HELZ: variants seen among roughly 807,000 people sequenced by gnomAD.
The protein encoded by HELZ is helicase with zinc finger, also known as ATP-dependent RNA helicase with zinc finger domain.
A neutral mutation model predicts 218.2 loss-of-function variants in HELZ; 23 were observed. That is an observed-to-expected ratio of 0.11 (90% CI 0.08 to 0.15). The LOEUF (loss-of-function observed/expected upper bound fraction) is 0.15, where lower values mean the gene tolerates loss of function less well. HELZ is among the 10% of genes least tolerant of loss of function. The pLI is 1.00. For synonymous variants in HELZ, 814 were observed against 829.4 expected (o/e 0.98, Z 0.32); for missense variants, 1,813 against 2,353.7 (o/e 0.77, Z 4.75).
Position 67,078,680 on chromosome 17 carries a change from C to T in HELZ, c.5495-94G>A, listed in dbSNP as rs758492665. 726 of 872,916 alleles carry T rather than the reference C, an allele frequency of 8.3e-4. 1 individual carries two copies. The highest frequency in any genetic ancestry group is 1.1e-3 in the Non-Finnish European group (667 of 610,164). 54.1% of individuals were successfully genotyped at this position (872,916 alleles called of 1,614,324 possible). Reference sequence around the variant, plus strand: ...AGTGTGTCAGAACTGGCTCTCATCTCCAGGAACTCAAGGACAGTATAGCCA... The same window carrying T: ...AGTGTGTCAGAACTGGCTCTCATCTTCAGGAACTCAAGGACAGTATAGCCA... On this transcript the variant is annotated intron_variant, in intron 32 of 32. Transcript: ENST00000358691.
chr17:67,160,198 G>T, intron 17 of HELZ, 63 bp downstream of exon 17: 1 of 973,688 alleles, frequency 1.0e-6, no homozygotes, highest in Non-Finnish European at 1.6e-6. Context: ...AATCTTTACA[G>T]ACACCTTTTC....
rs376441466 is a variant in HELZ at position 67,218,813 on chromosome 17, G to T, written c.-9C>A. The T allele has an allele frequency of 6.2e-7, 1 of 1,612,904 alleles. No homozygotes were observed. The highest frequency in any genetic ancestry group is 1.3e-5 in the African/African-American group (1 of 74,988). On this transcript the variant is annotated 5_prime_UTR_variant, in exon 4 of 33. Transcript: ENST00000358691. The stretch of plus-strand genomic sequence containing the variant: ...GCTCTTCTGTCTTCCATGACTCAGG[G>T]ACAAAAATCCTACAGACAGGGAGAA...
intron 28 of HELZ, among the ~76,000 whole-genome samples, chr17:67,113,741 G>C (rs1304534956): frequency 6.6e-6 from 1 of 152,212 alleles, no homozygotes; most frequent in East Asian, 1.9e-4. Context: ...GGCTTGAGAA[G>C]AGTCACTGAG....
At chr17:67,078,677 T>A in intron 32 of HELZ, 91 bp from the exon 33 acceptor site, 2 of 913,168 alleles carry the variant, frequency 2.2e-6, no homozygotes, top group Non-Finnish European at 3.1e-6. Flanking sequence ...CTGGCTCTCA[T>A]CTCCAGGAAC....
intron 28 of HELZ, among the ~76,000 whole-genome samples, chr17:67,114,016 C>G (rs1458499562): frequency 6.6e-6 from 1 of 152,134 alleles, no homozygotes; most frequent in Non-Finnish European, 1.5e-5. Flanking sequence ...TCCTTCTTCA[C>G]GATAATGACA....
intron 3 of HELZ, among the ~76,000 whole-genome samples, chr17:67,222,578 C>G (rs2040775936): frequency 6.6e-6 from 1 of 152,122 alleles, no homozygotes; most frequent in Non-Finnish European, 1.5e-5. Flanking sequence ...CAAGATCTAC[C>G]TGAATCACAG....
chr17:67,231,515 C>G (rs968986391), intron 3 of HELZ, among the ~76,000 whole-genome samples: 1 of 150,940 alleles, frequency 6.6e-6, no homozygotes, highest in African/African-American at 2.4e-5. Context: ...ATGGCGTGAA[C>G]CCGGGAGGCG....
In HELZ at chr17:67,070,696, G is replaced by C. The variant is rs951536391; in HGVS notation, c.*7556C>G. ...GAGAGTGGCTTTGGGGTTATTTTATGGTACAAAGTCACTTTTACTTTTAAG... is the reference window on the plus strand; with the variant it reads ...GAGAGTGGCTTTGGGGTTATTTTATCGTACAAAGTCACTTTTACTTTTAAG... On this transcript the variant is annotated 3_prime_UTR_variant, in exon 33 of 33. Coordinates refer to ENST00000358691, the MANE Select transcript of HELZ (RefSeq NM_014877.4). The C allele has an allele frequency of 6.6e-6, 1 of 151,974 alleles. No individual in the cohort carries two copies. The highest frequency in any genetic ancestry group is 1.5e-5 in the Non-Finnish European group (1 of 68,000). 9.4% of individuals were successfully genotyped at this position (151,974 alleles called of 1,614,324 possible).
intron 31 of HELZ, among the ~76,000 whole-genome samples, chr17:67,100,417 C>G (rs1258016050): frequency 6.6e-6 from 1 of 152,168 alleles, no homozygotes; most frequent in Non-Finnish European, 1.5e-5. Flanking sequence ...TACTAGCATT[C>G]CATTTTTATC....
intron 13 of HELZ, among the ~76,000 whole-genome samples, chr17:67,178,162 G>A (rs1367850450): frequency 6.6e-6 from 1 of 152,040 alleles, no homozygotes. Context: ...CTTAACCTGT[G>A]GCATATGGAT....
At chr17:67,126,436 T>C (rs1418024872) in intron 24 of HELZ, among the ~76,000 whole-genome samples, 3 of 152,184 alleles carry the variant, frequency 2.0e-5, no homozygotes, top group Non-Finnish European at 4.4e-5. Context: ...CATGGTTCAA[T>C]ACAGGATACA....
rs368660594 is a variant in HELZ at position 67,075,388 on chromosome 17, G to GT, written c.*2863dup. Reference sequence around the variant, plus strand: ...AAGAAATGGAAGCTGGTAATACTTGGTATTATCTGAGAGCTATCATCAAGT... The same window carrying GT: ...AAGAAATGGAAGCTGGTAATACTTGGTTATTATCTGAGAGCTATCATCAAGT... On this transcript the variant is annotated 3_prime_UTR_variant, in exon 33 of 33. Coordinates refer to ENST00000358691, the MANE Select transcript of HELZ (RefSeq NM_014877.4). 6.6e-6 allele frequency: 1 copy of GT among 152,090 alleles called. No individual in the cohort carries two copies. Among genetic ancestry groups the GT allele is most frequent in the East Asian group, 1.9e-4 (1 of 5,172 alleles). 9.4% of individuals were successfully genotyped at this position (152,090 alleles called of 1,614,324 possible). A position where few individuals can be genotyped will look rare whatever the true frequency, so the allele number is the denominator to read the frequency against.
intron 31 of HELZ, among the ~76,000 whole-genome samples, chr17:67,104,893 C>T (rs1410734757): frequency 2.0e-5 from 3 of 151,990 alleles, no homozygotes; most frequent in Admixed American, 6.6e-5. Flanking sequence ...AGGCTGGGGG[C>T]GGATCACCTG....
chr17:67,213,387 G>A (rs916371072), intron 5 of HELZ, among the ~76,000 whole-genome samples: 3 of 152,038 alleles, frequency 2.0e-5, no homozygotes, highest in East Asian at 1.9e-4. Flanking sequence ...ACTTTGGGAC[G>A]CCGAGGCAGG....
At chr17:67,091,761 C>G (rs184104763) in intron 31 of HELZ, among the ~76,000 whole-genome samples, 35 of 152,266 alleles carry the variant, frequency 2.3e-4, no homozygotes, top group African/African-American at 8.4e-4. Context: ...CTTATAATAT[C>G]AGATTTAATA....
intron 6 of HELZ, among the ~76,000 whole-genome samples, 167 bp from the exon 7 acceptor site, chr17:67,201,352 T>C (rs983558592): frequency 3.3e-5 from 5 of 152,202 alleles, no homozygotes; most frequent in Non-Finnish European, 5.9e-5. Flanking sequence ...AACACATCTA[T>C]GAGGAAAATT....
chr17:67,197,239 G>A (rs1311686191), intron 7 of HELZ, among the ~76,000 whole-genome samples: 1 of 152,058 alleles, frequency 6.6e-6, no homozygotes, highest in Non-Finnish European at 1.5e-5. Context: ...CCTTTCACTT[G>A]ACTCTCATTC....
Position 67,178,738 on chromosome 17 carries a change from A to T in HELZ, c.1351T>A (p.Leu451Met). The T allele has an allele frequency of 1.2e-6, 2 of 1,613,992 alleles. No individual in the cohort carries two copies. Among genetic ancestry groups the T allele is most frequent in the Non-Finnish European group, 1.7e-6 (2 of 1,179,864 alleles). The change falls in exon 13 of 33, where the codon TTG becomes ATG. Residue 451 changes from leucine to methionine, a missense_variant. Coordinates refer to ENST00000358691, the MANE Select transcript of HELZ (RefSeq NM_014877.4). ...LFTQSVLDKS[L>M]TKSNYQSRLH... ...CGTGACTGATAGTTGCTCTTGGTCA[A>T]TGATTTGTCTAAAACGGACTGAGTA...
intron 17 of HELZ, among the ~76,000 whole-genome samples, chr17:67,159,070 AAAGT>A (rs1265366689): frequency 1.3e-5 from 2 of 152,348 alleles, no homozygotes; most frequent in South Asian, 4.1e-4. Context: ...TTATATCATT[AAAGT>A]AAGAACACCT....
Sources: gnomAD v4.1 joint callset for allele counts (sites outside exome capture counted in the v4.1 genomes callset) on GRCh38, gnomAD v4.1.1 for gene constraint, MANE v1.5 for transcripts, NCBI Gene and HGNC (gene_info 2026-07-23, HGNC 2026-07-21) for gene names.